Variants in EMSY observed in about 807,000 individuals in gnomAD.
EMSY encodes the protein BRCA2-interacting transcriptional repressor EMSY.
Under a neutral mutation model 134.6 loss-of-function variants are expected in EMSY, and 26 were observed. The observed-to-expected ratio is 0.19, with a 90% CI of 0.14 to 0.27. The LOEUF is 0.27. Ranked by LOEUF, EMSY falls within the 10% of genes least tolerant of loss-of-function variation. The pLI, the probability that EMSY is intolerant of heterozygous loss-of-function variation, is 1.00. For missense variants in EMSY, 1,305 were observed against 1,611.4 expected (o/e 0.81, Z 3.26); for synonymous variants, 579 against 577.8 (o/e 1.00, Z -0.03).
At chr11:76,498,212 G>C (rs80253049) in intron 9 of EMSY, among the ~76,000 whole-genome samples, 1 of 151,950 alleles carries the variant, frequency 6.6e-6, no homozygotes, top group African/African-American at 2.4e-5. Context: ...ATTCTTTTAC[G>C]TTTATTGAGG....
Position 76,529,787 on chromosome 11 carries a change from G to A in EMSY, c.2194+1321G>A, listed in dbSNP as rs145926587. On this transcript the variant is annotated intron_variant, in intron 14 of 20. Transcript: ENST00000334736. ...TATAGAGAGTGGGTAGTTTCCTTCAGCATATTATCAGTGATAGTAATATTT... is the reference window on the plus strand; with the variant it reads ...TATAGAGAGTGGGTAGTTTCCTTCAACATATTATCAGTGATAGTAATATTT... 4.5e-4 allele frequency among the ~76,000 whole-genome samples: 68 copies of A among 152,224 alleles called. No homozygotes were observed. The East Asian group carries it at 9.3e-3, about 21-fold the overall frequency.
chr11:76,535,784 G>T (rs1472524219), intron 14 of EMSY, 111 bp from the exon 16 acceptor site: 1 of 883,648 alleles, frequency 1.1e-6, no homozygotes, highest in East Asian at 3.1e-5. Context: ...AAAGCATGAA[G>T]TTTACAATAA....
At chr11:76,505,839 A>C (rs1950055081) in intron 9 of EMSY, among the ~76,000 whole-genome samples, 2 of 151,582 alleles carry the variant, frequency 1.3e-5, no homozygotes, top group African/African-American at 4.9e-5. Context: ...CCTGGGCAAC[A>C]GAGCGAGACT....
At chr11:76,525,354 T>A (rs190285454) in intron 12 of EMSY, among the ~76,000 whole-genome samples, 3 of 152,348 alleles carry the variant, frequency 2.0e-5, no homozygotes, top group African/African-American at 4.8e-5. Flanking sequence ...AAATTGTGAT[T>A]TTTGTAATTA....
chr11:76,455,563 C>T (rs1947838096), intron 4 of EMSY, among the ~76,000 whole-genome samples: 1 of 152,076 alleles, frequency 6.6e-6, no homozygotes, highest in South Asian at 2.1e-4. Context: ...CTCCCCTCCC[C>T]CCACTCAAAA....
rs1331980781 is a variant in EMSY at position 76,446,319 on chromosome 11, G to GTGTGTATATATATATGTATATATATA, written c.-39-565_-39-540dup. Among the ~76,000 whole-genome samples the GTGTGTATATATATATGTATATATATA allele has an allele frequency of 5.2e-5, 6 of 114,346 alleles. No individual in the cohort carries two copies. In the East Asian group the frequency reaches 1.5e-3, roughly 29 times the overall value. 75.0% of individuals were successfully genotyped at this position (114,346 alleles called of 152,430 possible). On this transcript the variant is annotated intron_variant, in intron 1 of 20. Coordinates refer to ENST00000334736, the Ensembl canonical transcript of EMSY. ...TGAGAGAGTATATATATATGTGTGT[G>GTGTGTATATATATATGTATATATATA]TGTGTATATATATATGTATATATAT...
At chr11:76,546,402 GAAGAC>G (rs1951654086) in intron 20 of EMSY, 105 bp downstream of exon 21, 9 of 1,407,182 alleles carry the variant, frequency 6.4e-6, no homozygotes, top group Middle Eastern at 4.8e-4. Context: ...AAGACAGCAG[GAAGAC>G]ATAGATATTA....
chr11:76,489,885 A>G (rs531679285), intron 8 of EMSY, among the ~76,000 whole-genome samples: 148 of 152,262 alleles, frequency 9.7e-4, no homozygotes, highest in Middle Eastern at 3.4e-3. Context: ...GATTAAAGGC[A>G]CAAGCCACCG....
At position 76,515,141 on chromosome 11, in the gene EMSY, C is replaced by T. The variant is rs569898008; in HGVS notation, c.1514-1001C>T. Among the ~76,000 whole-genome samples, 17 of 148,612 alleles carry T rather than the reference C, an allele frequency of 1.1e-4. No homozygotes were observed. In the South Asian group the frequency reaches 1.7e-3, roughly 15 times the overall value. On this transcript the variant is annotated intron_variant, in intron 10 of 20. Transcript: ENST00000334736. Reference sequence around the variant, plus strand: ...AACTAATTCTACTTATTGTTCCTCCCGTTCTCCCTTTTTGGGTAATGGTTG... The same window carrying T: ...AACTAATTCTACTTATTGTTCCTCCTGTTCTCCCTTTTTGGGTAATGGTTG...
chr11:76,490,986 T>C (rs1480437127), intron 8 of EMSY, among the ~76,000 whole-genome samples: 2 of 152,142 alleles, frequency 1.3e-5, no homozygotes, highest in Non-Finnish European at 2.9e-5. Flanking sequence ...CTCTCTCTGA[T>C]AGTGAAAAAC....
chr11:76,523,143 C>G lies in EMSY; in HGVS notation c.1685-12C>G. On this transcript the variant is annotated splice_polypyrimidine_tract_variant and intron_variant, in intron 11 of 20. Coordinates refer to ENST00000334736, the Ensembl canonical transcript of EMSY. ...CTTAACTCAGGCCTCCTTTTCTTCC[C>G]CCTTTTCTAAGGAACGACTACCAAA... is the stretch of plus-strand genomic sequence containing the variant. 1.2e-6 allele frequency: 2 copies of G among 1,602,390 alleles called. No homozygotes were observed. Among genetic ancestry groups the G allele is most frequent in the South Asian group, 2.3e-5 (2 of 88,516 alleles).
chr11:76,477,516 A>G (rs149018947), intron 8 of EMSY, among the ~76,000 whole-genome samples: 2 of 151,942 alleles, frequency 1.3e-5, no homozygotes, highest in South Asian at 2.1e-4. Context: ...TGTATTTATT[A>G]TATTTTACTT....
At chr11:76,450,318 G>A (rs977159555) in intron 2 of EMSY, among the ~76,000 whole-genome samples, 20 of 152,066 alleles carry the variant, frequency 1.3e-4, no homozygotes, top group Non-Finnish European at 2.4e-4. Context: ...TTCTGGGTCC[G>A]ATAAAAGCTG....
At chr11:76,488,611 C>T (rs1035372355) in intron 8 of EMSY, among the ~76,000 whole-genome samples, 5 of 151,254 alleles carry the variant, frequency 3.3e-5, no homozygotes, top group South Asian at 2.1e-4. Context: ...TTGCAAAATA[C>T]GATGTGATTG....
chr11:76,533,021 A>G (rs1951098878), intron 14 of EMSY, among the ~76,000 whole-genome samples: 1 of 152,052 alleles, frequency 6.6e-6, no homozygotes, highest in African/African-American at 2.4e-5. Context: ...TTTTTGCAGA[A>G]CATCTTGAGG....
chr11:76,504,360 A>G (rs1038894332), intron 9 of EMSY, among the ~76,000 whole-genome samples: 2 of 151,508 alleles, frequency 1.3e-5, no homozygotes, highest in Non-Finnish European at 2.9e-5. Flanking sequence ...CAATTTTAAA[A>G]TGGGTAAAAG....
chr11:76,538,059 T>C (rs1263069566), intron 16 of EMSY, 109 bp downstream of exon 17: 1 of 1,027,914 alleles, frequency 9.7e-7, no homozygotes, highest in Non-Finnish European at 1.3e-6. Flanking sequence ...AGCTTTTTCC[T>C]CTTTGTTTTC....
chr11:76,501,743 T>C (rs1402832598), intron 9 of EMSY, among the ~76,000 whole-genome samples: 1 of 151,892 alleles, frequency 6.6e-6, no homozygotes, highest in Non-Finnish European at 1.5e-5. Context: ...GTACGAGAGT[T>C]GGGAAGAGAG....
intron 2 of EMSY, among the ~76,000 whole-genome samples, chr11:76,448,051 T>C (rs1177559452): frequency 6.6e-6 from 1 of 152,144 alleles, no homozygotes; most frequent in Non-Finnish European, 1.5e-5. Context: ...TCTTCCTAAA[T>C]TTGTTGATAG....
Sources: allele counts gnomAD v4.1 joint callset (sites outside exome capture counted in the v4.1 genomes callset), GRCh38; gene constraint gnomAD v4.1.1; transcripts MANE v1.5; gene names NCBI Gene and HGNC (gene_info 2026-07-23, HGNC 2026-07-21).